The following SNX29 variants were observed in gnomAD, a reference collection of about 807,000 sequenced individuals.
SNX29 encodes sorting nexin-29.
SNX29 carries 78 observed loss-of-function variants against 102.1 expected under a neutral mutation model. The observed-to-expected ratio is 0.76, with a 90% CI of 0.64 to 0.92. SNX29 has a LOEUF of 0.92. Among genes scored for constraint, SNX29 ranks in the 40% least tolerant of loss-of-function variants. The pLI is 0.00. For synonymous variants in SNX29, 580 were observed against 414.5 expected (o/e 1.40, Z -4.85); for missense variants, 1,280 against 1,061.7 (o/e 1.21, Z -2.86).
intron 13 of SNX29, among the ~76,000 whole-genome samples, chr16:12,138,783 T>C (rs1217588251): frequency 6.6e-6 from 1 of 152,118 alleles, no homozygotes; most frequent in Non-Finnish European, 1.5e-5. Flanking sequence ...GGACATGGTA[T>C]TATCACTAGG....
intron 14 of SNX29, among the ~76,000 whole-genome samples, chr16:12,270,878 C>T (rs919916043): frequency 2.6e-5 from 4 of 151,932 alleles, no homozygotes; most frequent in African/African-American, 9.7e-5. Context: ...GCCATCTCTA[C>T]TAAAAATACA....
At chr16:12,354,614 T>G (rs559744017) in intron 15 of SNX29, among the ~76,000 whole-genome samples, 19 of 152,332 alleles carry the variant, frequency 1.2e-4, no homozygotes, top group Admixed American at 1.1e-3. Flanking sequence ...TGGCAGGTAT[T>G]TAGCAGTAAT....
chr16:12,027,962 A>G (rs1217308935), intron 4 of SNX29, among the ~76,000 whole-genome samples: 2 of 152,214 alleles, frequency 1.3e-5, no homozygotes, highest in East Asian at 3.8e-4. Flanking sequence ...TAACTCATTC[A>G]GTTCGATAGC....
At chr16:12,518,561 C>T (rs905052429) in intron 19 of SNX29, among the ~76,000 whole-genome samples, 1 of 152,210 alleles carries the variant, frequency 6.6e-6, no homozygotes, top group Non-Finnish European at 1.5e-5. Flanking sequence ...CTCTCTCCAG[C>T]CCTCCTGCAA....
chr16:12,434,738 T>C (rs1243682846), intron 18 of SNX29, among the ~76,000 whole-genome samples: 2 of 152,026 alleles, frequency 1.3e-5, no homozygotes, highest in East Asian at 3.9e-4. Flanking sequence ...TCCAGGACAG[T>C]ACAGGTCAGA....
chr16:12,080,785 G>T (rs1163768204), intron 11 of SNX29, among the ~76,000 whole-genome samples: 1 of 151,454 alleles, frequency 6.6e-6, no homozygotes, highest in Non-Finnish European at 1.5e-5. Context: ...TCCACCTCCT[G>T]GGTTCAAGCG....
rs190447421 is a variant in SNX29 at position 12,566,611 on chromosome 16, C to T, written c.2319-1895C>T. Among the ~76,000 whole-genome samples, 509 of 152,282 alleles carry T rather than the reference C, an allele frequency of 3.3e-3. 3 individuals carry two copies. The highest frequency in any genetic ancestry group is 5.1e-3 in the Non-Finnish European group (349 of 68,020). ...CCTTCCTGTATCTAAGAATCAGTTC[C>T]CCTACACTGCAAGCAAAGACCTCCT... On this transcript the variant is annotated intron_variant, in intron 20 of 20. Coordinates refer to ENST00000566228, the MANE Select transcript of SNX29 (RefSeq NM_032167.5).
chr16:12,176,474 T>A (rs1364990057), intron 13 of SNX29, among the ~76,000 whole-genome samples: 2 of 152,318 alleles, frequency 1.3e-5, no homozygotes, highest in Middle Eastern at 3.4e-3. Context: ...AACTGCAGAT[T>A]GAAAATATTC....
At chr16:12,075,615 T>C (rs1451329548) in intron 10 of SNX29, among the ~76,000 whole-genome samples, 1 of 152,086 alleles carries the variant, frequency 6.6e-6, no homozygotes, top group Non-Finnish European at 1.5e-5. Flanking sequence ...GGGTCAGGGG[T>C]CAGGGACCCA....
At chr16:12,411,738 C>T (rs765829473) in intron 18 of SNX29, among the ~76,000 whole-genome samples, 2 of 152,194 alleles carry the variant, frequency 1.3e-5, no homozygotes, top group East Asian at 1.9e-4. Context: ...AAGGTAGCCT[C>T]GCTCTGCAGA....
intron 14 of SNX29, among the ~76,000 whole-genome samples, chr16:12,210,383 AG>A (rs2077151844): frequency 6.7e-6 from 1 of 149,140 alleles, no homozygotes; most frequent in Non-Finnish European, 1.5e-5. Flanking sequence ...GCTGGAGCGC[AG>A]CTGGACGATC....
intron 15 of SNX29, among the ~76,000 whole-genome samples, chr16:12,346,319 G>A (rs2081803389): frequency 6.6e-6 from 1 of 152,054 alleles, no homozygotes; most frequent in African/African-American, 2.4e-5. Context: ...GGATAATCAT[G>A]GTAATTAACA....
chr16:12,532,166 C>G (rs887904117), intron 20 of SNX29, among the ~76,000 whole-genome samples: 1 of 152,194 alleles, frequency 6.6e-6, no homozygotes, highest in Admixed American at 6.5e-5. Context: ...GTTCCTGGCT[C>G]TGTCTACTGC....
At chr16:12,402,637 A>G (rs889374903) in intron 17 of SNX29, among the ~76,000 whole-genome samples, 5 of 152,214 alleles carry the variant, frequency 3.3e-5, no homozygotes, top group Admixed American at 1.3e-4. Flanking sequence ...CAGAAGACAA[A>G]ACAATCACAT....
intron 20 of SNX29, among the ~76,000 whole-genome samples, chr16:12,550,040 C>T (rs963944722): frequency 3.9e-5 from 6 of 152,186 alleles, no homozygotes; most frequent in Non-Finnish European, 7.3e-5. Flanking sequence ...TGGAATGCCT[C>T]CCTGGAGCCT....
intron 20 of SNX29, among the ~76,000 whole-genome samples, chr16:12,535,393 C>A (rs754166213): frequency 6.6e-6 from 1 of 152,236 alleles, no homozygotes; most frequent in South Asian, 2.1e-4. Flanking sequence ...ATCTCGGCCT[C>A]CCAAAGTGCT....
chr16:12,563,940 C>G (rs866378594), intron 20 of SNX29, among the ~76,000 whole-genome samples: 4 of 152,232 alleles, frequency 2.6e-5, no homozygotes, highest in South Asian at 2.1e-4. Context: ...AGACGCTGAT[C>G]TTGTTCAAGA....
chr16:11,982,904 G>C (rs996424020), intron 1 of SNX29, among the ~76,000 whole-genome samples: 2 of 152,042 alleles, frequency 1.3e-5, no homozygotes, highest in Middle Eastern at 3.2e-3. Flanking sequence ...TATTTTGGCA[G>C]CTTTTTATTA....
At chr16:12,208,704 G>A (rs1202727828) in intron 14 of SNX29, among the ~76,000 whole-genome samples, 3 of 152,098 alleles carry the variant, frequency 2.0e-5, no homozygotes, top group Admixed American at 1.3e-4. Context: ...GGCCAGGTGT[G>A]CTGGTGCGTG....
Sources: allele counts gnomAD v4.1 joint callset (sites outside exome capture counted in the v4.1 genomes callset), GRCh38; gene constraint gnomAD v4.1.1; transcripts MANE v1.5; gene names NCBI Gene and HGNC (gene_info 2026-07-23, HGNC 2026-07-21).